BMAL2: variants seen among roughly 807,000 people sequenced by gnomAD.
The protein encoded by BMAL2 is basic helix-loop-helix ARNT like 2.
At chr12:27,416,067 G>A in the BMAL2 span, 16 of 683,468 alleles carry the variant, frequency 2.3e-5, no homozygotes, top group Non-Finnish European at 3.2e-5. Flanking sequence ...AACCCATTTT[G>A]ATCACTCAGT....
At chr12:27,376,562 A>G in the BMAL2 span, among the ~76,000 whole-genome samples, 41 of 152,292 alleles carry the variant, frequency 2.7e-4, no homozygotes, top group African/African-American at 9.6e-4. Context: ...TTTTCTGTCT[A>G]CTTGGATAAC....
chr12:27,361,838 A>G, the BMAL2 span, among the ~76,000 whole-genome samples: 1 of 152,174 alleles, frequency 6.6e-6, no homozygotes, highest in Admixed American at 6.5e-5. Flanking sequence ...CATAGAGTCA[A>G]TGGAACATAG....
the BMAL2 span, among the ~76,000 whole-genome samples, chr12:27,359,873 A>C: frequency 6.6e-6 from 1 of 151,756 alleles, no homozygotes. Context: ...CTGGAGGAGC[A>C]GGATCTTAAT....
chr12:27,400,833 G>T, the BMAL2 span: 2 of 1,450,006 alleles, frequency 1.4e-6, no homozygotes, highest in East Asian at 2.3e-5. Context: ...GCTATTAAAG[G>T]CGTGTCTTAG....
chr12:27,392,269 C>T, the BMAL2 span, among the ~76,000 whole-genome samples: 11 of 152,206 alleles, frequency 7.2e-5, no homozygotes, highest in Non-Finnish European at 1.5e-4. Context: ...AGTTAATACA[C>T]ATCACGTGCT....
the BMAL2 span, among the ~76,000 whole-genome samples, chr12:27,410,802 G>A: frequency 6.6e-6 from 1 of 151,902 alleles, no homozygotes; most frequent in African/African-American, 2.4e-5. Flanking sequence ...CAGAACACAT[G>A]TATGAATTTT....
the BMAL2 span, among the ~76,000 whole-genome samples, chr12:27,379,910 C>T: frequency 2.6e-5 from 4 of 151,816 alleles, no homozygotes; most frequent in African/African-American, 4.8e-5. Context: ...TATGCAAATA[C>T]CAGAGAATAG....
the BMAL2 span, among the ~76,000 whole-genome samples, chr12:27,364,433 A>AT: frequency 5.3e-5 from 8 of 151,898 alleles, 1 homozygote; most frequent in Non-Finnish European, 1.0e-4. Flanking sequence ...TTAAAAAGTT[A>AT]TTTTTTTTCC....
chr12:27,410,512 G>A, the BMAL2 span, among the ~76,000 whole-genome samples: 42 of 152,136 alleles, frequency 2.8e-4, no homozygotes, highest in Non-Finnish European at 4.6e-4. Context: ...ACCAAACACC[G>A]CATGTTCTCA....
At chr12:27,415,984 A>G in the BMAL2 span, 4 of 1,379,962 alleles carry the variant, frequency 2.9e-6, no homozygotes, top group Admixed American at 8.1e-5. Context: ...TCATGAAATA[A>G]ATGAACAATA....
At chr12:27,389,986 A>T in the BMAL2 span, 1 of 1,355,482 alleles carries the variant, frequency 7.4e-7, no homozygotes, top group Non-Finnish European at 1.0e-6. Context: ...GCTTTAAAAA[A>T]CTGTTTCCTT....
the BMAL2 span, among the ~76,000 whole-genome samples, chr12:27,344,718 A>C: frequency 6.6e-6 from 1 of 152,208 alleles, no homozygotes; most frequent in Admixed American, 6.5e-5. Flanking sequence ...GTTCACAACA[A>C]CACCTAGAAA....
At chr12:27,392,306 C>T in the BMAL2 span, among the ~76,000 whole-genome samples, 1 of 152,088 alleles carries the variant, frequency 6.6e-6, no homozygotes, top group Non-Finnish European at 1.5e-5. Context: ...ATAGTGACAC[C>T]GATGTTAGGA....
the BMAL2 span, among the ~76,000 whole-genome samples, chr12:27,405,636 C>T: frequency 6.6e-6 from 1 of 152,102 alleles, no homozygotes; most frequent in Non-Finnish European, 1.5e-5. Context: ...GATAAAACCA[C>T]AAAGATGGGG....
the BMAL2 span, among the ~76,000 whole-genome samples, chr12:27,338,383 CT>C: frequency 6.6e-6 from 1 of 151,714 alleles, no homozygotes; most frequent in African/African-American, 2.4e-5. Flanking sequence ...GAAATTATAT[CT>C]AGTTCATGAA....
chr12:27,412,311 G>C, the BMAL2 span, among the ~76,000 whole-genome samples: 19 of 152,288 alleles, frequency 1.2e-4, no homozygotes, highest in African/African-American at 4.6e-4. Flanking sequence ...AATCATAGTG[G>C]CTTCAGAAAA....
the BMAL2 span, among the ~76,000 whole-genome samples, chr12:27,346,742 A>C: frequency 6.6e-6 from 1 of 152,170 alleles, no homozygotes; most frequent in African/African-American, 2.4e-5. Flanking sequence ...AAAATTCAAA[A>C]CCATAGGTGT....
the BMAL2 span, among the ~76,000 whole-genome samples, chr12:27,364,131 C>T: frequency 2.6e-5 from 4 of 152,154 alleles, no homozygotes; most frequent in Non-Finnish European, 5.9e-5. Flanking sequence ...CAAACTTGTC[C>T]TCTCAGCCCT....
At chr12:27,419,901 T>C in the BMAL2 span, among the ~76,000 whole-genome samples, 5 of 152,210 alleles carry the variant, frequency 3.3e-5, no homozygotes, top group South Asian at 1.0e-3. Context: ...ATCTCCCTTT[T>C]ATAAGAAAAT....
Sources: gnomAD v4.1 joint callset for allele counts (sites outside exome capture counted in the v4.1 genomes callset) on GRCh38, gnomAD v4.1.1 for gene constraint, MANE v1.5 for transcripts, NCBI Gene and HGNC (gene_info 2026-07-23, HGNC 2026-07-21) for gene names.